Variants in LCP2 observed in about 807,000 individuals in gnomAD.
LCP2 encodes lymphocyte cytosolic protein 2, also known as 76 kDa tyrosine phosphoprotein.
In LCP2, 29 loss-of-function variants were observed where a neutral mutation model predicts 74.5. The observed-to-expected ratio is 0.39, with a 90% CI of 0.29 to 0.53. The LOEUF (loss-of-function observed/expected upper bound fraction) is 0.53. Among genes scored for constraint, LCP2 ranks in the 20% least tolerant of loss-of-function variants. The probability of loss-of-function intolerance (pLI) is 0.72; values close to 1 mark genes in which losing one functional copy is unlikely to be tolerated. For missense variants in LCP2, 604 were observed against 634.6 expected (o/e 0.95, Z 0.52); for synonymous variants, 228 against 229.5 (o/e 0.99, Z 0.06).
chr5:170,258,891 A>AG lies in LCP2; in HGVS notation c.958-14dup. On this transcript the variant is annotated splice_polypyrimidine_tract_variant and intron_variant, in intron 14 of 20. Coordinates refer to ENST00000046794, the MANE Select transcript of LCP2 (RefSeq NM_005565.5). ...CATCATCTTCATCCTGGGAAGGGGA[A>AG]GAAAAAAAAAGATATTAAGCTATCA... 1 of 1,559,466 alleles carries AG rather than the reference A, an allele frequency of 6.4e-7. No individual in the cohort carries two copies. The highest frequency in any genetic ancestry group is 1.4e-5 in the African/African-American group (1 of 73,984).
In LCP2 at chr5:170,247,345, C is replaced by T. The variant is rs964291067; in HGVS notation, c.*1352G>A. The T allele has an allele frequency of 6.6e-6, 1 of 152,204 alleles. No homozygotes were observed. The highest frequency in any genetic ancestry group is 2.4e-5 in the African/African-American group (1 of 41,446). The allele number at this position is 152,204 out of a possible 1,614,324, so 9.4% of individuals were successfully genotyped here. A position where few individuals can be genotyped will look rare whatever the true frequency, so the allele number is the denominator to read the frequency against. On this transcript the variant is annotated 3_prime_UTR_variant, in exon 21 of 21. Coordinates refer to ENST00000046794, the MANE Select transcript of LCP2 (RefSeq NM_005565.5). ...ATCAGTTAAAAGTCTCTACCTTCTG[C>T]ATACTCCTTATTTTAACATATCATC...
At chr5:170,277,659 A>T (rs1024014680) in intron 3 of LCP2, among the ~76,000 whole-genome samples, 3 of 148,260 alleles carry the variant, frequency 2.0e-5, no homozygotes, top group Non-Finnish European at 3.0e-5. Context: ...CAGGAGAACC[A>T]CTTGAACCTG....
chr5:170,260,296 A>G (rs1234078018), intron 14 of LCP2, among the ~76,000 whole-genome samples: 1 of 152,214 alleles, frequency 6.6e-6, no homozygotes, highest in Non-Finnish European at 1.5e-5. Context: ...TCAGCACTTC[A>G]TCGGAACAAG....
At position 170,288,002 on chromosome 5, in the gene LCP2, A is replaced by G. The variant is rs1280531280; in HGVS notation, c.156T>C (p.Asn52=). ...DGARFLNLTE[N]DIQKFPKLRV... is the part of the protein sequence containing the mutation. ...GGAGCTTGGGGAACTTCTGGATGTCATTTTCTGTCAGGTTCTGAAATGAAG... is the reference window on the plus strand; with the variant it reads ...GGAGCTTGGGGAACTTCTGGATGTCGTTTTCTGTCAGGTTCTGAAATGAAG... The change falls in exon 3 of 21, where the codon AAT becomes AAC. Residue 52 remains asparagine (N), a synonymous_variant. Transcript: ENST00000046794. 10 of 1,613,766 alleles carry G rather than the reference A, an allele frequency of 6.2e-6. No individual in the cohort carries two copies. In the South Asian group the frequency reaches 9.9e-5, roughly 16 times the overall value.
In LCP2 at chr5:170,261,095, T is replaced by C. The variant is rs780080801; in HGVS notation, c.957+12A>G. The C allele has an allele frequency of 6.3e-7, 1 of 1,587,650 alleles. No homozygotes were observed. The highest frequency in any genetic ancestry group is 8.6e-7 in the Non-Finnish European group (1 of 1,156,256). Reference sequence around the variant, plus strand: ...TGTATCAAGCACTTACAAACTGACATTTTGTACTTACATTCTCTCTTCTGT... The same window carrying C: ...TGTATCAAGCACTTACAAACTGACACTTTGTACTTACATTCTCTCTTCTGT... On this transcript the variant is annotated intron_variant, in intron 14 of 20. Coordinates refer to ENST00000046794, the MANE Select transcript of LCP2 (RefSeq NM_005565.5).
chr5:170,252,373 T>A lies in LCP2; in HGVS notation c.1323+61A>T. 1.0e-5 allele frequency: 10 copies of A among 953,430 alleles called. No homozygotes were observed. In the South Asian group the frequency reaches 1.3e-4, roughly 12 times the overall value. 59.1% of individuals were successfully genotyped at this position (953,430 alleles called of 1,614,324 possible). On this transcript the variant is annotated intron_variant, in intron 19 of 20. Coordinates refer to ENST00000046794, the MANE Select transcript of LCP2 (RefSeq NM_005565.5). ...GCCTGTAATTGGTACTCAGGACAGG[T>A]CAGTTCCCTTCTCTGCCATTAATAT...
chr5:170,289,685 CTTTCTTTCTTTCTTTCCTTCTT>C (rs1442248517), intron 2 of LCP2, among the ~76,000 whole-genome samples: 1 of 128,720 alleles, frequency 7.8e-6, no homozygotes, highest in Admixed American at 8.0e-5. Context: ...CTCTCTCTCT[CTTTCTTTCTTTCTTTCCTTCTT>C]TCTTTCTTTC....
chr5:170,285,602 A>T (rs186255742), intron 3 of LCP2, among the ~76,000 whole-genome samples: 5 of 152,292 alleles, frequency 3.3e-5, no homozygotes, highest in Admixed American at 2.6e-4. Flanking sequence ...AGGGCTAATT[A>T]TTCCCCACCA....
rs375064118 is a variant in LCP2, at chr5:170,266,899, G to A, written c.689-8C>T. On this transcript the variant is annotated splice_region_variant and splice_polypyrimidine_tract_variant and intron_variant, in intron 9 of 20. Coordinates refer to ENST00000046794, the MANE Select transcript of LCP2 (RefSeq NM_005565.5). The stretch of plus-strand genomic sequence containing the variant: ...CTATTGAAGGAGCAGGGACTGGAAG[G>A]GGAAAAGGCTGACATCAATTAAAAG... 1.9e-6 allele frequency: 3 copies of A among 1,613,516 alleles called. No individual in the cohort carries two copies. The African/African-American group carries it at 4.0e-5, about 22-fold the overall frequency.
intron 6 of LCP2, chr5:170,274,004 C>T: frequency 2.3e-6 from 1 of 436,886 alleles, no homozygotes; most frequent in Non-Finnish European, 4.2e-6. Context: ...AGCCTACCCT[C>T]TGTGTTTGCA....
intron 3 of LCP2, among the ~76,000 whole-genome samples, chr5:170,280,814 C>A (rs1762087151): frequency 6.6e-6 from 1 of 152,102 alleles, no homozygotes; most frequent in South Asian, 2.1e-4. Flanking sequence ...TCGAGACCAG[C>A]CTGGCCAACA....
intron 20 of LCP2, among the ~76,000 whole-genome samples, 164 bp downstream of exon 20, chr5:170,250,566 T>C (rs1761412805): frequency 1.3e-5 from 2 of 152,268 alleles, no homozygotes; most frequent in Non-Finnish European, 2.9e-5. Context: ...GTAACCATTG[T>C]AAAGATTTTG....
At chr5:170,250,592 A>C in intron 20 of LCP2, 138 bp downstream of exon 20, 1 of 676,308 alleles carries the variant, frequency 1.5e-6, no homozygotes, top group Non-Finnish European at 2.6e-6. Context: ...TTTCTCTTCC[A>C]ATAAATGAAG....
intron 15 of LCP2, 116 bp from the exon 16 acceptor site, chr5:170,258,282 A>G: frequency 9.3e-7 from 1 of 1,080,578 alleles, no homozygotes; most frequent in South Asian, 1.5e-5. Context: ...ACAAAAATAA[A>G]GCAGATCAGA....
chr5:170,270,413 A>C, intron 7 of LCP2: 1 of 297,806 alleles, frequency 3.4e-6, no homozygotes, highest in Non-Finnish European at 6.1e-6. Flanking sequence ...ACTGCCAAAT[A>C]GCCTTAGGTG....
In LCP2 at chr5:170,297,680, A is replaced by T. The variant is rs1762416631; in HGVS notation, c.-69T>A. The T allele has an allele frequency of 7.2e-7, 1 of 1,393,272 alleles. No individual in the cohort carries two copies. Among genetic ancestry groups the T allele is most frequent in the Non-Finnish European group, 9.9e-7 (1 of 1,011,644 alleles). The allele number at this position is 1,393,272 out of a possible 1,614,324, so 86.3% of individuals were successfully genotyped here. A position where few individuals can be genotyped will look rare whatever the true frequency, so the allele number is the denominator to read the frequency against. The stretch of plus-strand genomic sequence containing the variant: ...TTCACCCATGGGCAGAGAAGCTCAA[A>T]TCCAGAGCTCGGAGGCGTTCTTGGC... On this transcript the variant is annotated 5_prime_UTR_variant, in exon 1 of 21. Transcript: ENST00000046794.
At chr5:170,290,272 C>T (rs920401404) in intron 2 of LCP2, among the ~76,000 whole-genome samples, 1 of 152,088 alleles carries the variant, frequency 6.6e-6, no homozygotes, top group African/African-American at 2.4e-5. Context: ...CAAACTGGGC[C>T]CTGGTGGGAG....
intron 3 of LCP2, among the ~76,000 whole-genome samples, chr5:170,281,549 G>A (rs985033667): frequency 3.0e-4 from 45 of 152,316 alleles, no homozygotes; most frequent in African/African-American, 9.9e-4. Flanking sequence ...CAAAGTGCTG[G>A]GATTACAGGC....
chr5:170,267,040 G>C lies in LCP2; in HGVS notation c.657C>G (p.Pro219=). 6.2e-7 allele frequency: 1 copy of C among 1,613,960 alleles called. No homozygotes were observed. Among genetic ancestry groups the C allele is most frequent in the South Asian group, 1.1e-5 (1 of 91,078 alleles). ...CCGTTTTGTGGTTTCTGCTTCTGCT[G>C]GGTTCTTCGTGGTTGGTCTGGGGTG... ...LPPPQTNHEE[P]SRSRNHKTAK... The change falls in exon 9 of 21, where the codon CCC becomes CCG. Residue 219 remains proline, a synonymous_variant. Coordinates refer to ENST00000046794, the MANE Select transcript of LCP2 (RefSeq NM_005565.5).
Sources: gnomAD v4.1 joint callset for allele counts (sites outside exome capture counted in the v4.1 genomes callset) on GRCh38, gnomAD v4.1.1 for gene constraint, MANE v1.5 for transcripts, NCBI Gene and HGNC (gene_info 2026-07-23, HGNC 2026-07-21) for gene names.